The following RBBP8 variants were observed in gnomAD, a reference collection of about 807,000 sequenced individuals.
RBBP8 encodes the protein RB binding protein 8, endonuclease.
Under a neutral mutation model 108.3 loss-of-function variants are expected in RBBP8, and 88 were observed. That is an observed-to-expected ratio of 0.81 (90% CI 0.68 to 0.97). The LOEUF is 0.97. RBBP8 is among the 50% of genes least tolerant of loss of function. The probability of loss-of-function intolerance (pLI) is 0.00; values close to 1 mark genes in which losing one functional copy is unlikely to be tolerated. For missense variants in RBBP8, 1,023 were observed against 1,049.0 expected, an observed-to-expected ratio of 0.98 and a Z score of 0.34; for synonymous variants, 332 against 348.2, an observed-to-expected ratio of 0.95 and a Z score of 0.52.
intron 16 of RBBP8, among the ~76,000 whole-genome samples, chr18:23,016,410 G>A (rs971520557): frequency 4.6e-5 from 7 of 151,980 alleles, no homozygotes; most frequent in East Asian, 1.9e-4. Flanking sequence ...CAGGCGTGGT[G>A]GTACAGGCCT....
chr18:23,022,393 G>C lies in RBBP8; in HGVS notation c.2596+123G>C, dbSNP rs35286808. The C allele has an allele frequency of 4.0e-3, 3,696 of 923,660 alleles. 108 individuals are homozygous for C. In the African/African-American group the frequency reaches 0.056, roughly 14 times the overall value. 57.2% of individuals were successfully genotyped at this position (923,660 alleles called of 1,614,324 possible). A position where few individuals can be genotyped will look rare whatever the true frequency, so the allele number is the denominator to read the frequency against. On this transcript the variant is annotated intron_variant, in intron 18 of 18. Transcript: ENST00000327155. The stretch of plus-strand genomic sequence containing the variant: ...AGGTGGGTGGATCACCTGAGGTCAG[G>C]AGTTCAAGACCAGCCTGGCCAACAT...
intron 16 of RBBP8, among the ~76,000 whole-genome samples, chr18:23,012,207 CCA>C (rs1491345277): frequency 2.5e-5 from 2 of 81,142 alleles, no homozygotes; most frequent in African/African-American, 4.7e-5. Flanking sequence ...GATGCTGTCT[CCA>C]AAAAAAAAAA....
intron 2 of RBBP8, among the ~76,000 whole-genome samples, chr18:22,940,463 A>G (rs1032687292): frequency 1.3e-5 from 2 of 150,584 alleles, no homozygotes; most frequent in East Asian, 3.9e-4. Flanking sequence ...TGGGACTACA[A>G]GCACCCGCCA....
At chr18:22,918,907 A>G (rs949525327) in intron 3 of RBBP8, among the ~76,000 whole-genome samples, 5 of 152,092 alleles carry the variant, frequency 3.3e-5, no homozygotes, top group Non-Finnish European at 7.4e-5. Flanking sequence ...TGCTTTTTCT[A>G]CTACCAAGTA....
At chr18:23,012,118 G>A (rs1207706063) in intron 16 of RBBP8, among the ~76,000 whole-genome samples, 1 of 148,022 alleles carries the variant, frequency 6.8e-6, no homozygotes, top group East Asian at 2.0e-4. Context: ...GCTGAGGTGG[G>A]AGGATTGCTT....
intron 16 of RBBP8, 103 bp downstream of exon 16, chr18:23,006,535 T>C (rs1436784393): frequency 3.0e-5 from 31 of 1,022,594 alleles, no homozygotes; most frequent in Non-Finnish European, 4.5e-5. Context: ...AGAGTCTTGC[T>C]CTGTCACCCA....
chr18:22,998,872 C>T (rs1442717414), intron 14 of RBBP8, among the ~76,000 whole-genome samples: 3 of 152,128 alleles, frequency 2.0e-5, no homozygotes, highest in African/African-American at 7.2e-5. Context: ...AAGCCAATAC[C>T]TATTAAAAGA....
Position 22,948,306 on chromosome 18 carries a change from G to A in RBBP8, c.153-1312G>A, listed in dbSNP as rs533639578. Among the ~76,000 whole-genome samples, 5 of 152,142 alleles carry A rather than the reference G, an allele frequency of 3.3e-5. No individual in the cohort carries two copies. The South Asian group carries it at 1.0e-3, about 32-fold the overall frequency. On this transcript the variant is annotated intron_variant, in intron 3 of 18. Transcript: ENST00000327155. Reference sequence around the variant, plus strand: ...GTTATCTGGTTGTATTTGCTGAATAGGATCAGTGAAAACCTGGTGTTCCTT... The same window carrying A: ...GTTATCTGGTTGTATTTGCTGAATAAGATCAGTGAAAACCTGGTGTTCCTT...
chr18:22,954,402 C>G (rs1259419644), intron 4 of RBBP8, among the ~76,000 whole-genome samples: 1 of 152,196 alleles, frequency 6.6e-6, no homozygotes, highest in Non-Finnish European at 1.5e-5. Flanking sequence ...CATGCAAATC[C>G]AAAATCCAGC....
At chr18:23,016,646 T>A in intron 16 of RBBP8, 182 bp from the exon 17 acceptor site, 1 of 604,088 alleles carries the variant, frequency 1.7e-6, no homozygotes, top group Non-Finnish European at 2.9e-6. Flanking sequence ...ATTTTTTTAG[T>A]TAGAAAAAAA....
chr18:23,016,895 C>T lies in RBBP8; in HGVS notation c.2425C>T (p.Leu809Phe), dbSNP rs1383637258. 1 of 1,613,628 alleles carries T rather than the reference C, an allele frequency of 6.2e-7. No individual in the cohort carries two copies. The highest frequency in any genetic ancestry group is 8.5e-7 in the Non-Finnish European group (1 of 1,179,758). Residue 809 changes from leucine (L) to phenylalanine (F), a missense_variant, in exon 17 of 19, where the codon CTT becomes TTT. Transcript: ENST00000327155. Reference sequence around the variant, plus strand: ...GAAAAAAGAGGAGAGAAGAAAACTGCTTGGGCACACGTGTAAGGAATGTGA... The same window carrying T: ...GAAAAAAGAGGAGAGAAGAAAACTGTTTGGGCACACGTGTAAGGAATGTGA... ...VRKKEERRKL[L>F]GHTCKECEIY... is the part of the protein sequence containing the mutation.
chr18:22,993,513 G>A lies in RBBP8; in HGVS notation c.1686G>A (p.Gln562=), dbSNP rs1915851947. The A allele has an allele frequency of 1.2e-6, 2 of 1,613,338 alleles. No individual in the cohort carries two copies. Among genetic ancestry groups the A allele is most frequent in the Admixed American group, 1.7e-5 (1 of 59,788 alleles). The part of the protein sequence containing the change: ...EPCSQECIIL[Q]PLNKCSPDNK... ...GTTCACAGGAATGCATCATCCTTCAGCCCTTGAATAAATGCTCTCCAGACA... is the reference window on the plus strand; with the variant it reads ...GTTCACAGGAATGCATCATCCTTCAACCCTTGAATAAATGCTCTCCAGACA... Residue 562 remains glutamine, a synonymous_variant, in exon 11 of 19, where the codon CAG becomes CAA. Transcript: ENST00000327155.
intron 5 of RBBP8, among the ~76,000 whole-genome samples, chr18:22,971,686 C>T (rs369796115): frequency 6.5e-5 from 9 of 138,880 alleles, no homozygotes; most frequent in South Asian, 2.3e-4. Context: ...CACACTTTCA[C>T]CTAGGATGGA....
chr18:23,003,197 G>T (rs1407180588), intron 15 of RBBP8, among the ~76,000 whole-genome samples: 1 of 152,058 alleles, frequency 6.6e-6, no homozygotes, highest in Non-Finnish European at 1.5e-5. Flanking sequence ...GCATCTCTAG[G>T]TTTGATTTCT....
In RBBP8 at chr18:22,936,278, T is replaced by G. The variant is rs190274827; in HGVS notation, c.-98-476T>G. 2.6e-5 allele frequency among the ~76,000 whole-genome samples: 4 copies of G among 151,908 alleles called. No homozygotes were observed. The East Asian group carries it at 7.7e-4, about 29-fold the overall frequency. On this transcript the variant is annotated intron_variant, in intron 1 of 18. Transcript: ENST00000327155. ...TACCACACCTGGCAAATTTTTGTATTTTTAGTAAAGATGGGGTTTCACCAT... is the reference window on the plus strand; with the variant it reads ...TACCACACCTGGCAAATTTTTGTATGTTTAGTAAAGATGGGGTTTCACCAT...
rs748748701 is a variant in RBBP8, at chr18:22,997,630, A to C, written c.2039A>C (p.Gln680Pro). 12 of 1,596,086 alleles carry C rather than the reference A, an allele frequency of 7.5e-6. No individual in the cohort carries two copies. The South Asian group carries it at 1.3e-4, about 18-fold the overall frequency. Residue 680 changes from glutamine to proline, a missense_variant, in exon 14 of 19, where the codon CAG becomes CCG. Coordinates refer to ENST00000327155, the MANE Select transcript of RBBP8 (RefSeq NM_002894.3). ...AAAATATTTATTTAGGATGGCAGTC[A>C]GTCAAAATTAGGAGGAGAGACAGTG... ...VTVIDTKDGS[Q>P]SKLGGETVDM... is the part of the protein sequence containing the mutation.
chr18:23,001,694 A>G lies in RBBP8; in HGVS notation c.2252A>G (p.Glu751Gly), dbSNP rs1488908243. The G allele has an allele frequency of 6.2e-7, 1 of 1,614,014 alleles. No individual in the cohort carries two copies. Among genetic ancestry groups the G allele is most frequent in the Non-Finnish European group, 8.5e-7 (1 of 1,180,022 alleles). The change falls in exon 15 of 19, where the codon GAG becomes GGG. Residue 751 changes from glutamate (E) to glycine (G), a missense_variant. Physicochemically the swap from Glu to Gly is moderately conservative, Grantham distance 98. Coordinates refer to ENST00000327155, the MANE Select transcript of RBBP8 (RefSeq NM_002894.3). ...ADSFSQAADEEEELSTATKKL... is the reference protein window; with the variant it reads ...ADSFSQAADEGEELSTATKKL... ...AGTTTCTCCCAAGCAGCAGATGAAGAGGAGGAATTGTCTACTGCCACAAAG... is the reference window on the plus strand; with the variant it reads ...AGTTTCTCCCAAGCAGCAGATGAAGGGGAGGAATTGTCTACTGCCACAAAG...
chr18:23,010,606 A>G (rs2046141013), intron 16 of RBBP8, among the ~76,000 whole-genome samples: 1 of 152,108 alleles, frequency 6.6e-6, no homozygotes. Context: ...TCCAAAAAAA[A>G]AAAGAACTGT....
intron 18 of RBBP8, among the ~76,000 whole-genome samples, chr18:23,025,927 G>A (rs940228072): frequency 6.6e-6 from 1 of 152,170 alleles, no homozygotes; most frequent in African/African-American, 2.4e-5. Context: ...TATATGAGAT[G>A]ATATATGTAA....
Sources: gnomAD v4.1 joint callset for allele counts (sites outside exome capture counted in the v4.1 genomes callset) on GRCh38, gnomAD v4.1.1 for gene constraint, MANE v1.5 for transcripts, NCBI Gene and HGNC (gene_info 2026-07-23, HGNC 2026-07-21) for gene names.